Variants in SIK3 observed in about 807,000 individuals in gnomAD.
SIK3 encodes the protein SIK family kinase 3.
SIK3 carries 28 observed loss-of-function variants against 144.2 expected under a neutral mutation model. That is an observed-to-expected ratio of 0.19 (90% CI 0.14 to 0.27). SIK3 has a LOEUF of 0.27. Ranked by LOEUF, SIK3 falls within the 10% of genes least tolerant of loss-of-function variation. SIK3 has a pLI of 1.00. For missense variants in SIK3, 1,319 were observed against 1,776.0 expected, an observed-to-expected ratio of 0.74 and a Z score of 4.62; for synonymous variants, 686 against 676.3, an observed-to-expected ratio of 1.01 and a Z score of -0.22.
chr11:117,014,113 G>T (rs939650206), intron 1 of SIK3, among the ~76,000 whole-genome samples: 1 of 149,750 alleles, frequency 6.7e-6, no homozygotes, highest in Non-Finnish European at 1.5e-5. Flanking sequence ...CCAAAATGCT[G>T]GGATTACAGG....
intron 1 of SIK3, among the ~76,000 whole-genome samples, chr11:116,973,645 A>C (rs1187223446): frequency 6.6e-6 from 1 of 152,210 alleles, no homozygotes; most frequent in Non-Finnish European, 1.5e-5. Context: ...CTTGACAAAC[A>C]CTACCTGAGC....
At chr11:116,941,668 T>G (rs933969521) in intron 3 of SIK3, among the ~76,000 whole-genome samples, 3 of 152,304 alleles carry the variant, frequency 2.0e-5, no homozygotes, top group Middle Eastern at 3.4e-3. Flanking sequence ...AAATATTATT[T>G]TTAAGACACT....
chr11:117,086,008 T>A (rs1954987970), intron 1 of SIK3, among the ~76,000 whole-genome samples: 1 of 152,220 alleles, frequency 6.6e-6, no homozygotes, highest in African/African-American at 2.4e-5. Flanking sequence ...TTTCTGATTT[T>A]CCTGCTTTAT....
intron 15 of SIK3, among the ~76,000 whole-genome samples, chr11:116,865,457 T>C (rs1221036860): frequency 6.6e-6 from 1 of 152,178 alleles, no homozygotes; most frequent in Non-Finnish European, 1.5e-5. Context: ...TAAGTATCAA[T>C]TGTGCTTGAT....
chr11:117,062,800 A>G (rs1953853579), intron 1 of SIK3, among the ~76,000 whole-genome samples: 1 of 152,232 alleles, frequency 6.6e-6, no homozygotes, highest in East Asian at 1.9e-4. Context: ...CATACACAGT[A>G]GGAAAATCTT....
intron 1 of SIK3, among the ~76,000 whole-genome samples, chr11:117,030,759 T>C (rs373683150): frequency 5.3e-5 from 8 of 152,318 alleles, no homozygotes; most frequent in African/African-American, 1.4e-4. Flanking sequence ...CAGCCTCGAC[T>C]TTCCAGGCTC....
intron 17 of SIK3, 82 bp downstream of exon 17, chr11:116,862,120 T>A: frequency 6.3e-7 from 1 of 1,593,626 alleles, no homozygotes; most frequent in African/African-American, 1.3e-5. Context: ...TTGCACTGAG[T>A]GGTCTCCTCC....
At chr11:116,915,603 T>A (rs2135004906) in intron 4 of SIK3, among the ~76,000 whole-genome samples, 1 of 152,282 alleles carries the variant, frequency 6.6e-6, no homozygotes, top group African/African-American at 2.4e-5. Context: ...GTGTAAAAAA[T>A]GTATATACAT....
chr11:116,961,130 C>T (rs897629653), intron 1 of SIK3, among the ~76,000 whole-genome samples: 1 of 152,224 alleles, frequency 6.6e-6, no homozygotes, highest in African/African-American at 2.4e-5. Flanking sequence ...CAAGACCCGA[C>T]CCTGAGGGCT....
intron 1 of SIK3, among the ~76,000 whole-genome samples, chr11:116,997,701 T>C (rs1950716279): frequency 6.6e-6 from 1 of 152,144 alleles, no homozygotes; most frequent in African/African-American, 2.4e-5. Flanking sequence ...ATGAGAACAT[T>C]AACATTCTTA....
rs540903662 is a variant in SIK3, at chr11:117,052,032, C to A, written c.273+46111G>T. 1.6e-4 allele frequency among the ~76,000 whole-genome samples: 24 copies of A among 152,030 alleles called. No homozygotes were observed. The South Asian group carries it at 4.4e-3, about 28-fold the overall frequency. ...TGGCAGGCGCCTGTAATCCCAGCTA[C>A]TCAGGAGGCTGAGGCAGGAGAATTG... On this transcript the variant is annotated intron_variant, in intron 1 of 24. Transcript: ENST00000445177.
At chr11:117,013,662 G>A (rs1042663000) in intron 1 of SIK3, among the ~76,000 whole-genome samples, 1 of 151,592 alleles carries the variant, frequency 6.6e-6, no homozygotes, top group Non-Finnish European at 1.5e-5. Flanking sequence ...AACCTGTGTG[G>A]CATCACCATG....
At chr11:116,989,823 A>G (rs996144556) in intron 1 of SIK3, among the ~76,000 whole-genome samples, 1 of 152,220 alleles carries the variant, frequency 6.6e-6, no homozygotes, top group Non-Finnish European at 1.5e-5. Flanking sequence ...TTTTAAGTTA[A>G]GCAGATAGTT....
intron 1 of SIK3, among the ~76,000 whole-genome samples, chr11:117,093,784 A>G (rs1316411451): frequency 6.6e-6 from 1 of 152,136 alleles, no homozygotes; most frequent in Non-Finnish European, 1.5e-5. Flanking sequence ...TCAAAGTGGC[A>G]CCTGCAATAG....
intron 4 of SIK3, among the ~76,000 whole-genome samples, chr11:116,925,739 T>C (rs867343759): frequency 6.6e-6 from 1 of 152,232 alleles, no homozygotes; most frequent in Non-Finnish European, 1.5e-5. Context: ...GGTTTGAAAT[T>C]GCCAGGCTTT....
At chr11:116,883,690 C>A (rs1048118975) in intron 6 of SIK3, among the ~76,000 whole-genome samples, 1 of 152,108 alleles carries the variant, frequency 6.6e-6, no homozygotes, top group Non-Finnish European at 1.5e-5. Flanking sequence ...TCCCAGCACT[C>A]TGGGAGCCCG....
At chr11:116,948,901 G>A (rs1241658) in intron 3 of SIK3, among the ~76,000 whole-genome samples, 130,294 of 152,044 alleles carry the variant, frequency 0.86, 56,489 homozygotes, top group African/African-American at 0.91. Context: ...TGAAATAGAG[G>A]ATAGAAAAAC....
chr11:116,875,086 A>G (rs1944176433), intron 11 of SIK3, 72 bp downstream of exon 11: 5 of 1,190,022 alleles, frequency 4.2e-6, no homozygotes, highest in Non-Finnish European at 6.2e-6. Flanking sequence ...GAAATGTGCC[A>G]TGGTAGACAC....
At chr11:116,987,537 A>G (rs1950365212) in intron 1 of SIK3, among the ~76,000 whole-genome samples, 2 of 152,174 alleles carry the variant, frequency 1.3e-5, no homozygotes. Flanking sequence ...AAAAGAATAA[A>G]CAGGTACTAG....
Sources: gnomAD v4.1 joint callset for allele counts (sites outside exome capture counted in the v4.1 genomes callset) on GRCh38, gnomAD v4.1.1 for gene constraint, MANE v1.5 for transcripts, NCBI Gene and HGNC (gene_info 2026-07-23, HGNC 2026-07-21) for gene names.